PWWP2A: variants seen among roughly 807,000 people sequenced by gnomAD.
PWWP2A encodes PWWP domain-containing protein 2A.
Under a neutral mutation model 48.5 loss-of-function variants are expected in PWWP2A, and 18 were observed. The ratio of observed to expected loss-of-function variants is 0.37; its 90% CI spans 0.26 to 0.55. PWWP2A has a LOEUF of 0.55. Ranked by LOEUF, PWWP2A falls within the 20% of genes least tolerant of loss-of-function variation. The pLI, the probability that PWWP2A is intolerant of heterozygous loss-of-function variation, is 0.81. For synonymous variants in PWWP2A, 396 were observed against 387.7 expected (o/e 1.02, Z -0.25); for missense variants, 867 against 976.4 (o/e 0.89, Z 1.49).
intron 2 of PWWP2A, among the ~76,000 whole-genome samples, chr5:160,084,893 G>C (rs1282018494): frequency 6.6e-6 from 1 of 151,514 alleles, no homozygotes; most frequent in African/African-American, 2.4e-5. Flanking sequence ...TATTTTACCT[G>C]ACATCCCTAG....
At chr5:160,081,769 T>A (rs1172482706) in intron 2 of PWWP2A, among the ~76,000 whole-genome samples, 2 of 152,254 alleles carry the variant, frequency 1.3e-5, no homozygotes, top group Admixed American at 1.3e-4. Context: ...TTAAGCCTAA[T>A]TTTTAAACAT....
intron 2 of PWWP2A, among the ~76,000 whole-genome samples, chr5:160,081,785 C>T (rs918124066): frequency 6.6e-6 from 1 of 152,156 alleles, no homozygotes; most frequent in African/African-American, 2.4e-5. Flanking sequence ...AACATATTGG[C>T]TTGTTTGCTT....
intron 4 of PWWP2A, chr5:160,065,018 G>A (rs368082206): frequency 4.5e-5 from 73 of 1,613,698 alleles, no homozygotes; most frequent in Middle Eastern, 3.3e-4. Context: ...TTCCTCTACC[G>A]GCTCGTACTC....
chr5:160,048,841 C>T, the PWWP2A span, among the ~76,000 whole-genome samples: 39 of 152,092 alleles, frequency 2.6e-4, no homozygotes, highest in Non-Finnish European at 5.3e-4. Flanking sequence ...ATCCCAGCTA[C>T]GTGGGAGGCT....
Position 160,091,472 on chromosome 5 carries a change from TTTAA to T in PWWP2A, c.*906_*909del, listed in dbSNP as rs1001684912. On this transcript the variant is annotated 3_prime_UTR_variant, in exon 2 of 2. Transcript: ENST00000307063. ...ATACCTTAAACGGAAATTATTTTGT[TTTAA>T]TTATCAAATTAGGTACATCCAAAAT... The T allele has an allele frequency of 9.1e-5, 89 of 979,242 alleles. No individual in the cohort carries two copies. Among genetic ancestry groups the T allele is most frequent in the Non-Finnish European group, 8.5e-5 (70 of 826,404 alleles). 60.7% of individuals were successfully genotyped at this position (979,242 alleles called of 1,614,324 possible). A position where few individuals can be genotyped will look rare whatever the true frequency, so the allele number is the denominator to read the frequency against.
At chr5:160,064,143 AT>A in intron 4 of PWWP2A, among the ~76,000 whole-genome samples, 1 of 151,594 alleles carries the variant, frequency 6.6e-6, no homozygotes. Flanking sequence ...TGATTTTTGT[AT>A]TTTTTGTAGA....
At chr5:160,064,915 T>C (rs1753554372) in intron 4 of PWWP2A, 1 of 1,604,354 alleles carries the variant, frequency 6.2e-7, no homozygotes, top group South Asian at 1.1e-5. Context: ...ATTTGAGTTT[T>C]TGCTTTTACA....
intron 2 of PWWP2A, among the ~76,000 whole-genome samples, chr5:160,081,585 C>G (rs960525084): frequency 2.0e-5 from 3 of 152,174 alleles, no homozygotes; most frequent in Admixed American, 2.0e-4. Flanking sequence ...GCCTCAACCC[C>G]TTTCCACTTT....
At chr5:160,060,800 A>G (rs749168238), downstream of PWWP2A, among the ~76,000 whole-genome samples, 4 of 152,216 alleles carry the variant, frequency 2.6e-5, no homozygotes, top group African/African-American at 4.8e-5. Flanking sequence ...TTTTTCAGTC[A>G]CCAAAAACTT....
At chr5:160,074,091 C>T (rs1236558933), downstream of PWWP2A, among the ~76,000 whole-genome samples, 2 of 150,052 alleles carry the variant, frequency 1.3e-5, no homozygotes, top group African/African-American at 4.9e-5. Context: ...AATTTCATTC[C>T]GATTAAGCAA....
intron 1 of PWWP2A, among the ~76,000 whole-genome samples, chr5:160,097,663 C>T (rs939495145): frequency 1.4e-5 from 2 of 140,274 alleles, no homozygotes; most frequent in African/African-American, 5.3e-5. Flanking sequence ...AAAACAAATA[C>T]AAAAACAAAA....
At chr5:160,052,391 ATGGGAGGATCACT>A in the PWWP2A span, among the ~76,000 whole-genome samples, 19,568 of 151,788 alleles carry the variant, frequency 0.13, 1,647 homozygotes, top group Non-Finnish European at 0.18. Flanking sequence ...TCCCAGCTAC[ATGGGAGGATCACT>A]TGAGCCCAAG....
rs540049153 is a variant in PWWP2A at position 160,119,420 on chromosome 5, G to A, written c.-32C>T. 1.7e-5 allele frequency: 23 copies of A among 1,340,522 alleles called. No homozygotes were observed. The Admixed American group carries it at 7.4e-4, about 43-fold the overall frequency. The allele number at this position is 1,340,522 out of a possible 1,614,324, so 83.0% of individuals were successfully genotyped here. ...CCTAGCTTCTCCCTCCTCCAACTCC[G>A]GCTGCAGCGGCGGCGGCGACAGCGC... On this transcript the variant is annotated 5_prime_UTR_variant, in exon 1 of 2. Transcript: ENST00000307063.
Position 160,092,822 on chromosome 5 carries a change from T to A in PWWP2A, c.1828A>T (p.Ser610Cys), listed in dbSNP as rs1561668642. The stretch of plus-strand genomic sequence containing the variant: ...GAGGAGGTGGAAGGTGCATGCATAC[T>A]GCCTGGAGGAAAATCAAAGCTTTCA... Reference protein sequence around the residue: ...SSESFDFPPGSMHAPSTSSTS... With the variant: ...SSESFDFPPGCMHAPSTSSTS... The change falls in exon 2 of 2, where the codon AGT (serine) becomes TGT (cysteine). Residue 610 changes from serine to cysteine, a missense_variant. Ser to Cys is a moderately radical substitution (Grantham distance 112, BLOSUM62 -1). Transcript: ENST00000307063. The A allele has an allele frequency of 6.4e-7, 1 of 1,551,690 alleles. No homozygotes were observed. Among genetic ancestry groups the A allele is most frequent in the East Asian group, 2.4e-5 (1 of 40,924 alleles).
At chr5:160,085,709 G>A (rs1314844573) in intron 2 of PWWP2A, among the ~76,000 whole-genome samples, 2 of 151,942 alleles carry the variant, frequency 1.3e-5, no homozygotes, top group African/African-American at 2.4e-5. Flanking sequence ...GTTTCACCAC[G>A]TTGGTCATGC....
chr5:160,079,780 C>T (rs1029864377), intron 3 of PWWP2A, among the ~76,000 whole-genome samples: 1 of 152,120 alleles, frequency 6.6e-6, no homozygotes, highest in African/African-American at 2.4e-5. Flanking sequence ...ACTATTCCCT[C>T]AAGAGATACG....
downstream of PWWP2A, chr5:160,090,325 T>C: frequency 1.0e-6 from 1 of 984,848 alleles, no homozygotes; most frequent in East Asian, 1.1e-4. Context: ...GCCTTGGAAT[T>C]ACATATTTTG....
At chr5:160,072,679 T>C (rs190410111), downstream of PWWP2A, among the ~76,000 whole-genome samples, 1 of 152,186 alleles carries the variant, frequency 6.6e-6, no homozygotes, top group Non-Finnish European at 1.5e-5. Flanking sequence ...CAGTGAGCCA[T>C]GGCTGCACCA....
intron 2 of PWWP2A, among the ~76,000 whole-genome samples, chr5:160,086,029 C>G (rs111878693): frequency 0.013 from 1,932 of 151,190 alleles, 46 homozygotes; most frequent in African/African-American, 0.045. Flanking sequence ...ATGTTGGCCA[C>G]GCTGGCCTTG....
Sources: gnomAD v4.1 joint callset for allele counts (sites outside exome capture counted in the v4.1 genomes callset) on GRCh38, gnomAD v4.1.1 for gene constraint, MANE v1.5 for transcripts, NCBI Gene and HGNC (gene_info 2026-07-23, HGNC 2026-07-21) for gene names.